The following AKAP6 variants were observed in gnomAD, a reference collection of about 807,000 sequenced individuals.
AKAP6 encodes A-kinase anchoring protein 6.
AKAP6 carries 58 observed loss-of-function variants against 188.5 expected under a neutral mutation model. That is an observed-to-expected ratio of 0.31 (90% CI 0.25 to 0.38). AKAP6 has a LOEUF of 0.38. AKAP6 is among the 10% of genes least tolerant of loss of function. The probability of loss-of-function intolerance (pLI) is 1.00; values close to 1 mark genes in which losing one functional copy is unlikely to be tolerated. For missense variants in AKAP6, 2,710 were observed against 2,740.0 expected, an observed-to-expected ratio of 0.99 and a Z score of 0.24; for synonymous variants, 989 against 998.6, an observed-to-expected ratio of 0.99 and a Z score of 0.18.
chr14:32,532,864 T>C (rs1255625416), intron 2 of AKAP6, among the ~76,000 whole-genome samples: 1 of 152,044 alleles, frequency 6.6e-6, no homozygotes, highest in Non-Finnish European at 1.5e-5. Flanking sequence ...GCATACCCCA[T>C]AGATGCTAGC....
chr14:32,418,599 A>C (rs981956647), intron 1 of AKAP6, among the ~76,000 whole-genome samples: 1 of 152,188 alleles, frequency 6.6e-6, no homozygotes, highest in Non-Finnish European at 1.5e-5. Flanking sequence ...TTTTAAAAAA[A>C]ATCTTGTTTC....
Position 32,802,559 on chromosome 14 carries a change from C to T in AKAP6, c.3589-18843C>T, listed in dbSNP as rs978069157. On this transcript the variant is annotated intron_variant, in intron 12 of 13. Coordinates refer to ENST00000280979, the MANE Select transcript of AKAP6 (RefSeq NM_004274.5). ...ATTTCAGTGTTAGAGAGGTAGCAAT[C>T]GGTTGCAAATTCACATAATCTTTAG... Among the ~76,000 whole-genome samples the T allele has an allele frequency of 8.5e-5, 13 of 152,282 alleles. No individual in the cohort carries two copies. The East Asian group carries it at 1.5e-3, about 18-fold the overall frequency.
At chr14:32,617,546 T>G (rs1320821014) in intron 7 of AKAP6, among the ~76,000 whole-genome samples, 6 of 152,264 alleles carry the variant, frequency 3.9e-5, no homozygotes, top group African/African-American at 1.2e-4. Context: ...CCTCAAAGAC[T>G]ATTCTTGAAC....
At chr14:32,683,085 T>G (rs1392612638) in intron 8 of AKAP6, among the ~76,000 whole-genome samples, 1 of 151,612 alleles carries the variant, frequency 6.6e-6, no homozygotes, top group Admixed American at 6.6e-5. Flanking sequence ...CCTCCGCCTC[T>G]TGGGTTCAAG....
chr14:32,425,852 T>C (rs559949050), intron 1 of AKAP6, among the ~76,000 whole-genome samples: 82 of 152,366 alleles, frequency 5.4e-4, no homozygotes, highest in African/African-American at 1.9e-3. Flanking sequence ...TTCAGTTTAA[T>C]TGGATCCCAT....
chr14:32,440,140 G>A (rs1312440523), intron 2 of AKAP6, among the ~76,000 whole-genome samples: 1 of 152,100 alleles, frequency 6.6e-6, no homozygotes, highest in African/African-American at 2.4e-5. Flanking sequence ...TCAGAATGAC[G>A]GTTTCCAGCT....
chr14:32,456,903 A>G (rs960890277), intron 2 of AKAP6, among the ~76,000 whole-genome samples: 1 of 152,248 alleles, frequency 6.6e-6, no homozygotes, highest in Admixed American at 6.5e-5. Context: ...ATGATCTTCA[A>G]CTTATGATGT....
Position 32,546,288 on chromosome 14 carries a change from A to G in AKAP6, c.1635A>G (p.Gln545=), listed in dbSNP as rs765013767. The G allele has an allele frequency of 4.6e-5, 74 of 1,614,172 alleles. No individual in the cohort carries two copies. The highest frequency in any genetic ancestry group is 1.6e-4 in the Middle Eastern group (1 of 6,062). ...CTTCCAAGGCCATAGAGGGGCCACA[A>G]ACAAATTCTGCTTCCACATCCTCAC... ...SYTSKAIEGP[Q]TNSASTSSLE... Residue 545 remains glutamine (Q), a synonymous_variant, in exon 4 of 14, where the codon CAA becomes CAG. Coordinates refer to ENST00000280979, the MANE Select transcript of AKAP6 (RefSeq NM_004274.5).
At chr14:32,491,771 T>C (rs1384999167) in intron 2 of AKAP6, among the ~76,000 whole-genome samples, 4 of 152,258 alleles carry the variant, frequency 2.6e-5, no homozygotes, top group Non-Finnish European at 5.9e-5. Context: ...CCAACATCCA[T>C]ATTAGGTTGT....
rs546850800 is a variant in AKAP6 at position 32,837,149 on chromosome 14, C to T, written c.*7344C>T. 2.0e-5 allele frequency: 3 copies of T among 152,066 alleles called. No homozygotes were observed. Among genetic ancestry groups the T allele is most frequent in the African/African-American group, 4.8e-5 (2 of 41,418 alleles). The allele number at this position is 152,066 out of a possible 1,614,324, so 9.4% of individuals were successfully genotyped here. ...CTTCTTTATTCATTTTATATGGGGA[C>T]GTTTGACTAGGATCACCAGATGTAG... is the stretch of plus-strand genomic sequence containing the variant. On this transcript the variant is annotated 3_prime_UTR_variant, in exon 14 of 14. Transcript: ENST00000280979.
At chr14:32,608,948 A>AC (rs1886240909) in intron 7 of AKAP6, among the ~76,000 whole-genome samples, 1 of 152,146 alleles carries the variant, frequency 6.6e-6, no homozygotes, top group African/African-American at 2.4e-5. Context: ...ATTGCTTCTA[A>AC]AAAACACTTT....
intron 2 of AKAP6, among the ~76,000 whole-genome samples, chr14:32,436,889 G>C (rs1481030863): frequency 6.6e-6 from 1 of 152,120 alleles, no homozygotes; most frequent in African/African-American, 2.4e-5. Context: ...ATGCTCCACT[G>C]CACTACATCC....
chr14:32,546,958 C>G lies in AKAP6; in HGVS notation c.2305C>G (p.Gln769Glu). 1 of 1,608,368 alleles carries G rather than the reference C, an allele frequency of 6.2e-7. No homozygotes were observed. ...ALIQKLMQDI[Q>E]HQDNYEAIWE... is the part of the protein sequence containing the mutation. ...AATTCAGAAACTGATGCAAGATATT[C>G]AGCACCAAGACAACTATGAAGCCAT... The change falls in exon 4 of 14, where the codon CAG (glutamine) becomes GAG (glutamate). Residue 769 changes from glutamine to glutamate, a missense_variant. Around this residue, in one of 2 missense-constraint regions of AKAP6, gnomAD observed 2,473 missense variants for 2,426.1 expected, o/e 1.02. Coordinates refer to ENST00000280979, the MANE Select transcript of AKAP6 (RefSeq NM_004274.5).
intron 11 of AKAP6, among the ~76,000 whole-genome samples, chr14:32,752,317 G>C (rs2139910609): frequency 6.6e-6 from 1 of 152,294 alleles, no homozygotes; most frequent in South Asian, 2.1e-4. Flanking sequence ...GATGTCCTCA[G>C]TGTTCCAGAG....
chr14:32,646,654 C>G (rs1037579634), intron 7 of AKAP6, among the ~76,000 whole-genome samples: 4 of 152,104 alleles, frequency 2.6e-5, no homozygotes, highest in African/African-American at 4.8e-5. Flanking sequence ...GAGACAAAAA[C>G]ATGTGTTATC....
At chr14:32,428,105 C>A (rs1444614171) in intron 1 of AKAP6, among the ~76,000 whole-genome samples, 1 of 152,150 alleles carries the variant, frequency 6.6e-6, no homozygotes, top group African/African-American at 2.4e-5. Context: ...CTGAAGTTGG[C>A]TTTGTCAGCT....
chr14:32,417,001 C>G (rs1889682256), intron 1 of AKAP6, among the ~76,000 whole-genome samples: 1 of 152,088 alleles, frequency 6.6e-6, no homozygotes, highest in Admixed American at 6.6e-5. Context: ...CCACTGCAAC[C>G]AGATAATTTT....
At chr14:32,499,623 A>G (rs572368179) in intron 2 of AKAP6, among the ~76,000 whole-genome samples, 1 of 152,002 alleles carries the variant, frequency 6.6e-6, no homozygotes, top group East Asian at 1.9e-4. Context: ...CATTTTTGAC[A>G]CTGTAATAAT....
chr14:32,643,704 A>C (rs947083627), intron 7 of AKAP6, among the ~76,000 whole-genome samples: 2 of 151,938 alleles, frequency 1.3e-5, no homozygotes, highest in Admixed American at 1.3e-4. Context: ...TAAATATTTG[A>C]GCTATTTAAC....
Sources: gnomAD v4.1 joint callset for allele counts (sites outside exome capture counted in the v4.1 genomes callset) on GRCh38, gnomAD v4.1.1 for gene constraint, gnomAD v4.1.1 regional missense constraint, MANE v1.5 for transcripts, NCBI Gene and HGNC (gene_info 2026-07-23, HGNC 2026-07-21) for gene names.